The following UPRT variants were observed in gnomAD, a reference collection of about 807,000 sequenced individuals.
UPRT encodes the protein RP11-311P8.3.
Under a neutral mutation model 22.6 loss-of-function variants are expected in UPRT, and 5 were observed. The ratio of observed to expected loss-of-function variants is 0.22; its 90% confidence interval spans 0.12 to 0.47. The LOEUF is 0.47. Among genes scored for constraint, UPRT ranks in the 20% least tolerant of loss-of-function variants. The probability of loss-of-function intolerance (pLI) is 0.99; values close to 1 mark genes in which losing one functional copy is unlikely to be tolerated. For synonymous variants in UPRT, 77 were observed against 87.7 expected (o/e 0.88, Z 0.68); for missense variants, 181 against 239.9 (o/e 0.75, Z 1.62).
intron 4 of UPRT, among the ~76,000 whole-genome samples, chrX:75,188,455 A>G (rs1443627106): frequency 8.9e-6 from 1 of 112,352 alleles, no homozygotes. Context: ...TTAAGTCTGT[A>G]GAGGTTACTG....
intron 4 of UPRT, among the ~76,000 whole-genome samples, chrX:75,248,411 T>C (rs902907290): frequency 8.9e-6 from 1 of 111,809 alleles, no homozygotes; most frequent in Non-Finnish European, 1.9e-5. Flanking sequence ...ACGTGACAAA[T>C]GCACAACTCT....
chrX:75,242,087 CACA>C (rs1272114624), intron 4 of UPRT, among the ~76,000 whole-genome samples: 1 of 110,699 alleles, frequency 9.0e-6, no homozygotes. Context: ...TAATAAAAAG[CACA>C]ACAACAACAT....
chrX:75,232,615 T>G (rs1450393160), intron 4 of UPRT, among the ~76,000 whole-genome samples: 1 of 112,365 alleles, frequency 8.9e-6, no homozygotes, highest in Non-Finnish European at 1.9e-5. Flanking sequence ...CCTCCTCAAG[T>G]GGGTCCCTGA....
At chrX:75,288,654 T>C (rs1448715971) in intron 1 of UPRT, among the ~76,000 whole-genome samples, 1 of 111,606 alleles carries the variant, frequency 9.0e-6, no homozygotes, top group African/African-American at 3.3e-5. Flanking sequence ...ACTCAAAAAA[T>C]CATTTCTTAG....
intron 4 of UPRT, among the ~76,000 whole-genome samples, chrX:75,220,860 C>G (rs1345532094): frequency 9.0e-6 from 1 of 111,673 alleles, no homozygotes; most frequent in African/African-American, 3.2e-5. Flanking sequence ...TTGCACAACA[C>G]AAATACAATG....
chrX:75,185,641 C>G (rs1352055795), intron 4 of UPRT, among the ~76,000 whole-genome samples: 1 of 111,737 alleles, frequency 8.9e-6, no homozygotes, highest in East Asian at 2.8e-4. Flanking sequence ...GCTGTGAATC[C>G]ATCTGGTCCT....
intron 4 of UPRT, among the ~76,000 whole-genome samples, chrX:75,212,480 T>C (rs992534642): frequency 9.0e-6 from 1 of 111,207 alleles, no homozygotes; most frequent in African/African-American, 3.3e-5. Flanking sequence ...TTGAAACAAA[T>C]GAGAACAAAG....
intron 4 of UPRT, among the ~76,000 whole-genome samples, chrX:75,251,921 A>G (rs2082531722): frequency 9.0e-6 from 1 of 111,216 alleles, no homozygotes; most frequent in South Asian, 3.8e-4. Flanking sequence ...ATCTACAACT[A>G]TCTGATCTTT....
intron 4 of UPRT, among the ~76,000 whole-genome samples, chrX:75,251,201 G>A (rs1281173943): frequency 1.8e-5 from 2 of 111,568 alleles, no homozygotes; most frequent in Middle Eastern, 4.6e-3. Flanking sequence ...AGTGTTGGAA[G>A]TTCTGGCCAG....
At chrX:75,232,626 C>G (rs183828561) in intron 4 of UPRT, among the ~76,000 whole-genome samples, 2,411 of 112,321 alleles carry the variant, frequency 0.021, 36 homozygotes, top group Non-Finnish European at 0.037. Flanking sequence ...GGGTCCCTGA[C>G]CCCTGATCCC....
At chrX:75,156,441 C>G in exon 1 of UPRT, 2 of 548,522 alleles carry the variant, frequency 3.6e-6, no homozygotes, top group East Asian at 7.2e-5. Context: ...ATTTGTTTTT[C>G]CTTAGGGCCG....
chrX:75,274,186 T>TG lies in UPRT; in HGVS notation c.-68dup. 8.7e-7 allele frequency: 1 copy of TG among 1,145,707 alleles called. No homozygotes were observed. Among genetic ancestry groups the TG allele is most frequent in the East Asian group, 3.0e-5 (1 of 33,124 alleles). The allele number at this position is 1,145,707 out of a possible 1,213,427, so 94.4% of individuals were successfully genotyped here. Reference sequence around the variant, plus strand: ...GCAACCGAGAGAGCACGTGAGCATCTGTCCTTTCTACCCGTTCCTCTTTAT... The same window carrying TG: ...GCAACCGAGAGAGCACGTGAGCATCTGGTCCTTTCTACCCGTTCCTCTTTAT... On this transcript the variant is annotated 5_prime_UTR_variant, in exon 1 of 7. Coordinates refer to ENST00000373383, the MANE Select transcript of UPRT (RefSeq NM_145052.4).
chrX:75,192,103 G>A (rs188245675), intron 4 of UPRT, among the ~76,000 whole-genome samples: 8 of 111,767 alleles, frequency 7.2e-5, no homozygotes, highest in East Asian at 2.8e-4. Context: ...TCTTGGAACC[G>A]CGTATAACCT....
chrX:75,260,548 GCTAA>G (rs1569276810), intron 4 of UPRT, among the ~76,000 whole-genome samples: 3 of 112,354 alleles, frequency 2.7e-5, no homozygotes, highest in South Asian at 3.7e-4. Flanking sequence ...AATAAGAAGA[GCTAA>G]CTATTTTAAA....
chrX:75,286,035 A>G (rs767623055), intron 1 of UPRT, among the ~76,000 whole-genome samples: 1 of 110,502 alleles, frequency 9.0e-6, no homozygotes, highest in Non-Finnish European at 1.9e-5. Context: ...TGTAAAGCTC[A>G]TGTTTTCACT....
chrX:75,282,972 A>G (rs2082664604), intron 1 of UPRT, among the ~76,000 whole-genome samples: 1 of 111,778 alleles, frequency 8.9e-6, no homozygotes, highest in South Asian at 3.7e-4. Context: ...AGGTGCATAT[A>G]TGTTTAAGAT....
intron 2 of UPRT, among the ~76,000 whole-genome samples, chrX:75,160,816 C>T (rs2082196917): frequency 8.9e-6 from 1 of 112,473 alleles, no homozygotes; most frequent in South Asian, 3.7e-4. Flanking sequence ...AGGCATGAGC[C>T]ACCATGACCA....
intron 4 of UPRT, among the ~76,000 whole-genome samples, chrX:75,224,249 A>G (rs1049502532): frequency 9.0e-6 from 1 of 110,612 alleles, no homozygotes; most frequent in Non-Finnish European, 1.9e-5. Context: ...GTTTCTAGTC[A>G]CTCTCACAGG....
upstream of UPRT, among the ~76,000 whole-genome samples, chrX:75,273,564 T>G (rs773847448): frequency 9.0e-6 from 1 of 111,303 alleles, no homozygotes; most frequent in South Asian, 3.8e-4. Context: ...GGATCTGAAA[T>G]GCCGCCTGAG....
Sources: gnomAD v4.1 joint callset for allele counts (sites outside exome capture counted in the v4.1 genomes callset) on GRCh38, gnomAD v4.1.1 for gene constraint, MANE v1.5 for transcripts, NCBI Gene and HGNC (gene_info 2026-07-23, HGNC 2026-07-21) for gene names.